Variants in RORA observed in about 807,000 individuals in gnomAD.
The protein encoded by RORA is nuclear receptor ROR-alpha.
RORA carries 7 observed loss-of-function variants against 69.5 expected under a neutral mutation model. The observed-to-expected ratio is 0.10, with a 90% confidence interval of 0.06 to 0.19. The LOEUF (loss-of-function observed/expected upper bound fraction) is 0.19. Among genes scored for constraint, RORA ranks in the 10% least tolerant of loss-of-function variants. The pLI is 1.00. For missense variants in RORA, 457 were observed against 663.0 expected, an observed-to-expected ratio of 0.69 and a Z score of 3.41; for synonymous variants, 261 against 240.8, an observed-to-expected ratio of 1.08 and a Z score of -0.78.
intron 1 of RORA, among the ~76,000 whole-genome samples, chr15:61,135,146 TAAAAAAAAAAAA>T (rs59644906): frequency 1.0e-3 from 58 of 56,594 alleles, no homozygotes; most frequent in African/African-American, 3.3e-3. Flanking sequence ...CATCTCTTAC[TAAAAAAAAAAAA>T]AAAAAAAAAA....
At chr15:60,947,615 C>T (rs918177566) in intron 1 of RORA, among the ~76,000 whole-genome samples, 2 of 148,768 alleles carry the variant, frequency 1.3e-5, no homozygotes, top group Non-Finnish European at 3.0e-5. Context: ...TGTTTATCTG[C>T]TGACCTTCCC....
At chr15:60,941,904 G>GTT (rs79898370) in intron 1 of RORA, among the ~76,000 whole-genome samples, 1 of 151,974 alleles carries the variant, frequency 6.6e-6, no homozygotes. Flanking sequence ...CCAAGAAATA[G>GTT]TTTTTAAAAG....
At chr15:60,592,282 G>C (rs2068546485) in intron 2 of RORA, 4 of 805,050 alleles carry the variant, frequency 5.0e-6, no homozygotes, top group Non-Finnish European at 6.7e-6. Context: ...GCCCCGGGCA[G>C]TACGTGCGTT....
intron 1 of RORA, among the ~76,000 whole-genome samples, chr15:60,820,536 G>A (rs2072880406): frequency 6.6e-6 from 1 of 151,968 alleles, no homozygotes; most frequent in Non-Finnish European, 1.5e-5. Flanking sequence ...TAAGATTTGA[G>A]GGAAAAAAGG....
intron 1 of RORA, among the ~76,000 whole-genome samples, chr15:60,752,554 TC>T (rs2071738945): frequency 6.6e-6 from 1 of 152,062 alleles, no homozygotes; most frequent in Non-Finnish European, 1.5e-5. Flanking sequence ...CATAACAGCA[TC>T]AAATTAATTT....
At chr15:61,052,393 T>G (rs1019020375) in intron 1 of RORA, among the ~76,000 whole-genome samples, 13 of 152,356 alleles carry the variant, frequency 8.5e-5, no homozygotes, top group African/African-American at 3.1e-4. Context: ...ATGCTTTTGC[T>G]CCTTTGAATT....
chr15:61,093,931 G>A (rs2078749966), intron 1 of RORA, among the ~76,000 whole-genome samples: 1 of 152,196 alleles, frequency 6.6e-6, no homozygotes, highest in Non-Finnish European at 1.5e-5. Context: ...AGACAGAGAT[G>A]ACCTCAGGTG....
chr15:60,915,103 A>G (rs867189494), intron 1 of RORA, among the ~76,000 whole-genome samples: 15 of 152,210 alleles, frequency 9.9e-5, no homozygotes, highest in African/African-American at 2.7e-4. Flanking sequence ...ACACTAGCCT[A>G]TCTAATTCTA....
chr15:60,864,434 G>C (rs1226929747), intron 1 of RORA, among the ~76,000 whole-genome samples: 1 of 151,202 alleles, frequency 6.6e-6, no homozygotes, highest in East Asian at 1.9e-4. Context: ...TTTCGATGGG[G>C]ACTTAGTGAC....
intron 2 of RORA, among the ~76,000 whole-genome samples, chr15:60,602,298 T>C (rs568111552): frequency 6.6e-6 from 1 of 152,338 alleles, no homozygotes; most frequent in Admixed American, 6.5e-5. Flanking sequence ...TTTCTGACAG[T>C]TGCCTATCAT....
intron 6 of RORA, 62 bp from the exon 7 acceptor site, chr15:60,503,729 T>G: frequency 1.9e-6 from 3 of 1,595,126 alleles, no homozygotes; most frequent in Non-Finnish European, 2.6e-6. Flanking sequence ...TAGCAGAAGC[T>G]GCAGAGTTAT....
Position 60,531,636 on chromosome 15 carries a change from T to C in RORA, c.282+130A>G. 1.7e-6 allele frequency: 1 copy of C among 597,424 alleles called. No individual in the cohort carries two copies. The highest frequency in any genetic ancestry group is 2.9e-6 in the Non-Finnish European group (1 of 341,284). 37.0% of individuals were successfully genotyped at this position (597,424 alleles called of 1,614,324 possible). A position where few individuals can be genotyped will look rare whatever the true frequency, so the allele number is the denominator to read the frequency against. On this transcript the variant is annotated intron_variant, in intron 3 of 10. Coordinates refer to ENST00000335670, the MANE Select transcript of RORA (RefSeq NM_134261.3). The surrounding 1 kb of genome is among the most constrained non-coding windows in gnomAD (Gnocchi z 4.8). ...TGTAATTTAACACCAAAATATTTCT[T>C]CTATCCTGTAATTTCTTATCATTCA...
chr15:60,847,167 T>A (rs1342631562), intron 1 of RORA, among the ~76,000 whole-genome samples: 2 of 152,144 alleles, frequency 1.3e-5, no homozygotes, highest in Admixed American at 1.3e-4. Context: ...GTATAATGAG[T>A]TGAATAAATG....
chr15:61,035,379 C>T (rs1242642864), intron 1 of RORA, among the ~76,000 whole-genome samples: 1 of 152,034 alleles, frequency 6.6e-6, no homozygotes, highest in Non-Finnish European at 1.5e-5. Context: ...ACCCACACAA[C>T]GTTAGGAGAG....
chr15:60,889,350 C>CGG (rs3985706), intron 1 of RORA, among the ~76,000 whole-genome samples: 14 of 136,380 alleles, frequency 1.0e-4, no homozygotes, highest in South Asian at 2.3e-4. Flanking sequence ...GGGAGTGGGG[C>CGG]GGGGGGGGGG....
intron 1 of RORA, among the ~76,000 whole-genome samples, chr15:60,684,742 C>T (rs750865996): frequency 4.6e-5 from 7 of 152,128 alleles, no homozygotes; most frequent in Non-Finnish European, 1.0e-4. Context: ...TGATAATGAA[C>T]AAAGTCTTGA....
intron 1 of RORA, among the ~76,000 whole-genome samples, chr15:60,972,259 TA>T (rs1170534257): frequency 6.6e-6 from 1 of 151,894 alleles, no homozygotes; most frequent in African/African-American, 2.4e-5. Context: ...GGTGAAAAAA[TA>T]ATGTGAGCAC....
chr15:60,861,379 A>G (rs1434503587), intron 1 of RORA, among the ~76,000 whole-genome samples: 1 of 152,218 alleles, frequency 6.6e-6, no homozygotes, highest in Non-Finnish European at 1.5e-5. Flanking sequence ...AAGTGCTTTT[A>G]TAAGTATTTG....
intron 1 of RORA, among the ~76,000 whole-genome samples, chr15:60,720,617 T>C (rs2071282141): frequency 4.6e-5 from 7 of 152,194 alleles, no homozygotes; most frequent in Admixed American, 3.9e-4. Flanking sequence ...GGGACACCTG[T>C]GTGCAGGGCT....
Sources: allele counts gnomAD v4.1 joint callset (sites outside exome capture counted in the v4.1 genomes callset), GRCh38; gene constraint gnomAD v4.1.1; non-coding constraint Gnocchi (gnomAD v3.1); transcripts MANE v1.5; gene names NCBI Gene and HGNC (gene_info 2026-07-23, HGNC 2026-07-21).